Variants in PRPH observed in about 807,000 individuals in gnomAD.
PRPH encodes neurofilament 4 (57kD).
PRPH carries 48 observed loss-of-function variants against 52.6 expected under a neutral mutation model. That is an observed-to-expected ratio of 0.91 (90% CI 0.72 to 1.16). The LOEUF is 1.16. Among genes scored for constraint, PRPH ranks in the 50% most tolerant of loss-of-function variants. The pLI is 0.00. For missense variants in PRPH, 579 were observed against 635.7 expected, an observed-to-expected ratio of 0.91 and a Z score of 0.96; for synonymous variants, 279 against 283.8, an observed-to-expected ratio of 0.98 and a Z score of 0.17.
Position 49,295,394 on chromosome 12 carries a change from C to T in PRPH, c.194C>T (p.Ala65Val). 6.2e-7 allele frequency: 1 copy of T among 1,605,560 alleles called. No individual in the cohort carries two copies. The highest frequency in any genetic ancestry group is 1.3e-5 in the African/African-American group (1 of 74,960). ...CTGGGCAGCTTCCGTAGCCCCCGAGCGGGAGCGGGCGCCCTCCTGCGCCTG... is the reference window on the plus strand; with the variant it reads ...CTGGGCAGCTTCCGTAGCCCCCGAGTGGGAGCGGGCGCCCTCCTGCGCCTG... ...VRLGSFRSPRAGAGALLRLPS... is the reference protein window; with the variant it reads ...VRLGSFRSPRVGAGALLRLPS... The change falls in exon 1 of 9, where the codon GCG becomes GTG. Residue 65 changes from alanine to valine, a missense_variant. By Grantham distance (64) the Ala-to-Val change is moderately conservative. Transcript: ENST00000257860.
In PRPH at chr12:49,296,210, C is replaced by G. The variant is rs373867021; in HGVS notation, c.578C>G (p.Ala193Gly). 17 of 1,612,934 alleles carry G rather than the reference C, an allele frequency of 1.1e-5. No individual in the cohort carries two copies. In the South Asian group the frequency reaches 1.4e-4, roughly 14 times the overall value. Residue 193 changes from alanine to glycine, a missense_variant, in exon 2 of 9, where the codon GCG (alanine) becomes GGG (glycine). Physicochemically the swap from Ala to Gly is moderately conservative, Grantham distance 60. Transcript: ENST00000257860. This position sits in a 1 kb window ranked among gnomAD's most constrained non-coding sequence, Gnocchi z 5.1. ...GAGGAGACGCGCAAGCGGGAGGACG[C>G]GGAGCACAACCTCGTGCTCTTCCGC... ...LEEETRKRED[A>G]EHNLVLFRKD...
rs536033399 is a variant in PRPH, at chr12:49,296,370, G to A, written c.607-62G>A. The A allele has an allele frequency of 1.9e-6, 3 of 1,568,870 alleles. No homozygotes were observed. In the African/African-American group the frequency reaches 4.1e-5, roughly 21 times the overall value. On this transcript the variant is annotated intron_variant, in intron 2 of 8. Transcript: ENST00000257860. This position sits in a 1 kb window ranked among gnomAD's most constrained non-coding sequence, Gnocchi z 5.1. ...CTCCTGAGGCAGACAGGGAAGGCCT[G>A]GTCCTTCCTTGGTCTGCGCAGCCCC...
intron 1 of PRPH, 60 bp downstream of exon 1, chr12:49,295,805 G>T: frequency 7.0e-7 from 1 of 1,438,758 alleles, no homozygotes; most frequent in Non-Finnish European, 9.0e-7. Flanking sequence ...CGTCGAGGCG[G>T]CTGCTCTTGC....
chr12:49,298,272 G>C lies in PRPH; in HGVS notation c.1348-16G>C. On this transcript the variant is annotated splice_polypyrimidine_tract_variant and intron_variant, in intron 8 of 8. Transcript: ENST00000257860. Reference sequence around the variant, plus strand: ...GCTGAATGGCTTGTGCCCATCATATGCCCTGTCCCCAGCAGGTGGTGACAG... The same window carrying C: ...GCTGAATGGCTTGTGCCCATCATATCCCCTGTCCCCAGCAGGTGGTGACAG... 1 of 1,613,946 alleles carries C rather than the reference G, an allele frequency of 6.2e-7. No individual in the cohort carries two copies. The highest frequency in any genetic ancestry group is 1.3e-5 in the African/African-American group (1 of 75,042).
In PRPH at chr12:49,295,791, C is replaced by T. The variant is rs536094714; in HGVS notation, c.545+46C>T. On this transcript the variant is annotated intron_variant, in intron 1 of 8. Coordinates refer to ENST00000257860, the MANE Select transcript of PRPH (RefSeq NM_006262.4). Reference sequence around the variant, plus strand: ...CGCTGCCGTCGAGGCGAGGTCGAAGCGGCCGTCGAGGCGGCTGCTCTTGCC... The same window carrying T: ...CGCTGCCGTCGAGGCGAGGTCGAAGTGGCCGTCGAGGCGGCTGCTCTTGCC... 9 of 1,437,204 alleles carry T rather than the reference C, an allele frequency of 6.3e-6. No homozygotes were observed. In the South Asian group the frequency reaches 1.2e-4, roughly 19 times the overall value. The allele number at this position is 1,437,204 out of a possible 1,614,324, so 89.0% of individuals were successfully genotyped here. A position where few individuals can be genotyped will look rare whatever the true frequency, so the allele number is the denominator to read the frequency against.
chr12:49,298,653 C>A lies in PRPH; in HGVS notation c.*300C>A. On this transcript the variant is annotated 3_prime_UTR_variant, in exon 9 of 9. Transcript: ENST00000257860. ...TGGGTGAGCCAGGGTCTGAGTTTCA[C>A]ATTTGAACCAAATAAAATGCTGTCA... 1 of 443,092 alleles carries A rather than the reference C, an allele frequency of 2.3e-6. No homozygotes were observed. The highest frequency in any genetic ancestry group is 4.2e-6 in the Non-Finnish European group (1 of 239,968). The allele number at this position is 443,092 out of a possible 1,614,324, so 27.4% of individuals were successfully genotyped here.
In PRPH at chr12:49,295,689, C is replaced by T. The variant is rs1392889969; in HGVS notation, c.489C>T (p.Asp163=). 12 of 1,533,034 alleles carry T rather than the reference C, an allele frequency of 7.8e-6. No individual in the cohort carries two copies. In the South Asian group the frequency reaches 8.4e-5, roughly 11 times the overall value. The allele number at this position is 1,533,034 out of a possible 1,614,324, so 95.0% of individuals were successfully genotyped here. A position where few individuals can be genotyped will look rare whatever the true frequency, so the allele number is the denominator to read the frequency against. ...TGGAGCTGTTGGGCCGCGAGCGTGACCGGGTGCAGGTGGAGCGCGACGGGC... is the reference window on the plus strand; with the variant it reads ...TGGAGCTGTTGGGCCGCGAGCGTGATCGGGTGCAGGTGGAGCGCGACGGGC... The part of the protein sequence containing the change: ...RELELLGRER[D]RVQVERDGLA... The change falls in exon 1 of 9, where the codon GAC becomes GAT. Residue 163 remains aspartate, a synonymous_variant. Transcript: ENST00000257860.
Position 49,295,503 on chromosome 12 carries a change from G to T in PRPH, c.303G>T (p.Leu101=). 6.2e-7 allele frequency: 1 copy of T among 1,607,278 alleles called. No individual in the cohort carries two copies. Among genetic ancestry groups the T allele is most frequent in the African/African-American group, 1.3e-5 (1 of 74,976 alleles). Residue 101 remains leucine (L), a synonymous_variant, in exon 1 of 9, where the codon CTG becomes CTT. Coordinates refer to ENST00000257860, the MANE Select transcript of PRPH (RefSeq NM_006262.4). ...LATRSNEKQE[L]QELNDRFANF... Reference sequence around the variant, plus strand: ...CGCGCAGCAACGAGAAGCAGGAGCTGCAGGAGCTCAACGACCGCTTCGCCA... The same window carrying T: ...CGCGCAGCAACGAGAAGCAGGAGCTTCAGGAGCTCAACGACCGCTTCGCCA...
In PRPH at chr12:49,297,044, G is replaced by C. The variant is rs1387091733; in HGVS notation, c.858G>C (p.Trp286Cys). Residue 286 changes from tryptophan to cysteine, a missense_variant, in exon 4 of 9, where the codon TGG (tryptophan) becomes TGC (cysteine). Coordinates refer to ENST00000257860, the MANE Select transcript of PRPH (RefSeq NM_006262.4). This position sits in a 1 kb window ranked among gnomAD's most constrained non-coding sequence, Gnocchi z 4.4. ...AAKNLQEAEE[W>C]YKSKYADLSD... ...AGAACCTGCAGGAGGCGGAGGAGTGGTACAAGTCCAAGGTGCAAGAGCCGG... is the reference window on the plus strand; with the variant it reads ...AGAACCTGCAGGAGGCGGAGGAGTGCTACAAGTCCAAGGTGCAAGAGCCGG... 6.2e-7 allele frequency: 1 copy of C among 1,613,862 alleles called. No individual in the cohort carries two copies. The highest frequency in any genetic ancestry group is 8.5e-7 in the Non-Finnish European group (1 of 1,179,948).
Position 49,295,225 on chromosome 12 carries a change from C to CG in PRPH, c.28dup (p.Ala10GlyfsTer53). 1 of 1,611,562 alleles carries CG rather than the reference C, an allele frequency of 6.2e-7. No homozygotes were observed. The highest frequency in any genetic ancestry group is 8.5e-7 in the Non-Finnish European group (1 of 1,179,572). ...AATGAGCCACCACCCGTCGGGCCTCCGGGCCGGCTTCAGCTCCACCTCATA... is the reference window on the plus strand; with the variant it reads ...AATGAGCCACCACCCGTCGGGCCTCCGGGGCCGGCTTCAGCTCCACCTCATA... On this transcript the variant is annotated frameshift_variant, in exon 1 of 9. Coordinates refer to ENST00000257860, the MANE Select transcript of PRPH (RefSeq NM_006262.4). LOFTEE classifies it high-confidence loss of function.
Position 49,295,795 on chromosome 12 carries a change from C to A in PRPH, c.545+50C>A, listed in dbSNP as rs556077889. 1.6e-5 allele frequency: 23 copies of A among 1,437,196 alleles called. No homozygotes were observed. The East Asian group carries it at 6.0e-4, about 37-fold the overall frequency. The allele number at this position is 1,437,196 out of a possible 1,614,324, so 89.0% of individuals were successfully genotyped here. A position where few individuals can be genotyped will look rare whatever the true frequency, so the allele number is the denominator to read the frequency against. On this transcript the variant is annotated intron_variant, in intron 1 of 8. Coordinates refer to ENST00000257860, the MANE Select transcript of PRPH (RefSeq NM_006262.4). ...GCCGTCGAGGCGAGGTCGAAGCGGC[C>A]GTCGAGGCGGCTGCTCTTGCCTCCC...
Position 49,297,305 on chromosome 12 carries a change from G to A in PRPH, c.996+32G>A. The stretch of plus-strand genomic sequence containing the variant: ...ACGAAGCTGCGCGCTCGGGCCCGGG[G>A]AGCGGACGATGAAATGTTCTGCAAC... On this transcript the variant is annotated intron_variant, in intron 5 of 8. Coordinates refer to ENST00000257860, the MANE Select transcript of PRPH (RefSeq NM_006262.4). This position sits in a 1 kb window ranked among gnomAD's most constrained non-coding sequence, Gnocchi z 4.4. The A allele has an allele frequency of 1.2e-6, 2 of 1,613,850 alleles. No homozygotes were observed. Among genetic ancestry groups the A allele is most frequent in the Non-Finnish European group, 1.7e-6 (2 of 1,179,994 alleles).
At position 49,295,694 on chromosome 12, in the gene PRPH, T is replaced by A. The variant is rs748642294; in HGVS notation, c.494T>A (p.Val165Glu). 7.8e-6 allele frequency: 12 copies of A among 1,531,538 alleles called. No individual in the cohort carries two copies. Among genetic ancestry groups the A allele is most frequent in the Non-Finnish European group, 1.0e-5 (12 of 1,143,564 alleles). The allele number at this position is 1,531,538 out of a possible 1,614,324, so 94.9% of individuals were successfully genotyped here. A position where few individuals can be genotyped will look rare whatever the true frequency, so the allele number is the denominator to read the frequency against. ...LELLGRERDR[V>E]QVERDGLAED... ...CTGTTGGGCCGCGAGCGTGACCGGG[T>A]GCAGGTGGAGCGCGACGGGCTGGCG... Residue 165 changes from valine to glutamate, a missense_variant, in exon 1 of 9, where the codon GTG (valine) becomes GAG (glutamate). Transcript: ENST00000257860.
Position 49,298,449 on chromosome 12 carries a change from C to A in PRPH, c.*96C>A. ...TTGTCTCCTCTCCCTCTGCATGTGT[C>A]TAAAAGGTGGTACCAGGCATCCCTT... On this transcript the variant is annotated 3_prime_UTR_variant, in exon 9 of 9. Coordinates refer to ENST00000257860, the MANE Select transcript of PRPH (RefSeq NM_006262.4). The A allele has an allele frequency of 2.2e-6, 3 of 1,370,928 alleles. No individual in the cohort carries two copies. Among genetic ancestry groups the A allele is most frequent in the Non-Finnish European group, 3.1e-6 (3 of 972,434 alleles). 84.9% of individuals were successfully genotyped at this position (1,370,928 alleles called of 1,614,324 possible). A position where few individuals can be genotyped will look rare whatever the true frequency, so the allele number is the denominator to read the frequency against.
rs1422683092 is a variant in PRPH, at chr12:49,297,907, G to A, written c.1268-51G>A. The A allele has an allele frequency of 4.4e-6, 7 of 1,603,828 alleles. No individual in the cohort carries two copies. The highest frequency in any genetic ancestry group is 3.3e-5 in the Admixed American group (2 of 59,972). Reference sequence around the variant, plus strand: ...CAGGGATAGCAGTGGGAGCCTAAGAGGAGAGATTCCCACGCCTTCCCCCTT... The same window carrying A: ...CAGGGATAGCAGTGGGAGCCTAAGAAGAGAGATTCCCACGCCTTCCCCCTT... On this transcript the variant is annotated intron_variant, in intron 7 of 8. Coordinates refer to ENST00000257860, the MANE Select transcript of PRPH (RefSeq NM_006262.4). This position sits in a 1 kb window ranked among gnomAD's most constrained non-coding sequence, Gnocchi z 4.4.
At position 49,295,260 on chromosome 12, in the gene PRPH, C is replaced by A. The variant is rs1483038861; in HGVS notation, c.60C>A (p.Thr20=). The A allele has an allele frequency of 1.8e-5, 29 of 1,611,972 alleles. No homozygotes were observed. The highest frequency in any genetic ancestry group is 4.2e-6 in the Non-Finnish European group (5 of 1,179,724). ...AGFSSTSYRR[T]FGPPPSLSPG... Reference sequence around the variant, plus strand: ...TCAGCTCCACCTCATACCGCCGTACCTTCGGTCCACCGCCCTCACTATCCC... The same window carrying A: ...TCAGCTCCACCTCATACCGCCGTACATTCGGTCCACCGCCCTCACTATCCC... The change falls in exon 1 of 9, where the codon ACC becomes ACA. Residue 20 remains threonine (T), a synonymous_variant. Transcript: ENST00000257860.
In PRPH at chr12:49,295,269, A is replaced by G. The variant is rs148091249; in HGVS notation, c.69A>G (p.Pro23=). 167 of 1,611,728 alleles carry G rather than the reference A, an allele frequency of 1.0e-4. No homozygotes were observed. The African/African-American group carries it at 1.9e-3, about 18-fold the overall frequency. ...SSTSYRRTFG[P]PPSLSPGAFS... is the part of the protein sequence containing the mutation. Reference sequence around the variant, plus strand: ...CCTCATACCGCCGTACCTTCGGTCCACCGCCCTCACTATCCCCCGGGGCCT... The same window carrying G: ...CCTCATACCGCCGTACCTTCGGTCCGCCGCCCTCACTATCCCCCGGGGCCT... Residue 23 remains proline, a synonymous_variant, in exon 1 of 9, where the codon CCA becomes CCG. Coordinates refer to ENST00000257860, the MANE Select transcript of PRPH (RefSeq NM_006262.4).
In PRPH at chr12:49,298,658, G is replaced by C. The variant is rs927164715; in HGVS notation, c.*305G>C. 10 of 432,240 alleles carry C rather than the reference G, an allele frequency of 2.3e-5. No individual in the cohort carries two copies. Among genetic ancestry groups the C allele is most frequent in the African/African-American group, 2.0e-4 (10 of 50,206 alleles). 26.8% of individuals were successfully genotyped at this position (432,240 alleles called of 1,614,324 possible). A position where few individuals can be genotyped will look rare whatever the true frequency, so the allele number is the denominator to read the frequency against. ...GAGCCAGGGTCTGAGTTTCACATTT[G>C]AACCAAATAAAATGCTGTCAAGAGA... On this transcript the variant is annotated 3_prime_UTR_variant, in exon 9 of 9. Coordinates refer to ENST00000257860, the MANE Select transcript of PRPH (RefSeq NM_006262.4).
Position 49,296,655 on chromosome 12 carries a change from A to G in PRPH, c.702+128A>G. 9.1e-7 allele frequency: 1 copy of G among 1,096,130 alleles called. No individual in the cohort carries two copies. The highest frequency in any genetic ancestry group is 1.3e-6 in the Non-Finnish European group (1 of 742,496). 67.9% of individuals were successfully genotyped at this position (1,096,130 alleles called of 1,614,324 possible). The stretch of plus-strand genomic sequence containing the variant: ...TGGGTAGACGCAGCCCCTCCACCCT[A>G]GTCTACAGGTGGTTAGACTCCCACC... On this transcript the variant is annotated intron_variant, in intron 3 of 8. Transcript: ENST00000257860. The surrounding 1 kb of genome is among the most constrained non-coding windows in gnomAD (Gnocchi z 5.1).
Sources: gnomAD v4.1 joint callset for allele counts on GRCh38, gnomAD v4.1.1 for gene constraint, Gnocchi (gnomAD v3.1) non-coding constraint, MANE v1.5 for transcripts, NCBI Gene and HGNC (gene_info 2026-07-23, HGNC 2026-07-21) for gene names.